The following FER variants were observed in gnomAD, a reference collection of about 807,000 sequenced individuals.
FER encodes the protein tyrosine-protein kinase Fer.
A neutral mutation model predicts 111.0 loss-of-function variants in FER; 63 were observed. That is an observed-to-expected ratio of 0.57 (90% CI 0.46 to 0.70). The LOEUF is 0.70. FER is among the 30% of genes least tolerant of loss of function. FER has a pLI of 0.00. For missense variants in FER, 914 were observed against 954.0 expected (o/e 0.96, Z 0.55); for synonymous variants, 327 against 313.9 (o/e 1.04, Z -0.44).
At chr5:109,154,917 C>T (rs779313319) in intron 17 of FER, among the ~76,000 whole-genome samples, 1 of 151,790 alleles carries the variant, frequency 6.6e-6, no homozygotes, top group Non-Finnish European at 1.5e-5. Context: ...GTATTTCTTG[C>T]TCTTGGAATA....
At chr5:108,905,255 G>A (rs542082176) in intron 10 of FER, among the ~76,000 whole-genome samples, 2 of 152,104 alleles carry the variant, frequency 1.3e-5, no homozygotes, top group South Asian at 4.1e-4. Context: ...ACTGTTATCT[G>A]TGTTCATATT....
chr5:108,922,961 A>C (rs771328446), intron 10 of FER, among the ~76,000 whole-genome samples: 3 of 152,156 alleles, frequency 2.0e-5, no homozygotes, highest in Non-Finnish European at 4.4e-5. Flanking sequence ...TTCTGGATCC[A>C]CAGTCCTTGG....
chr5:108,807,976 A>G (rs1757373550), intron 3 of FER, among the ~76,000 whole-genome samples: 1 of 147,636 alleles, frequency 6.8e-6, no homozygotes, highest in African/African-American at 2.5e-5. Context: ...GTGGCCCAAG[A>G]GTGTTGTTGG....
intron 3 of FER, among the ~76,000 whole-genome samples, chr5:108,827,868 AC>A (rs1368877085): frequency 7.8e-6 from 1 of 127,862 alleles, no homozygotes; most frequent in Non-Finnish European, 1.6e-5. Flanking sequence ...TTGCTCTGTC[AC>A]CCAGGCTGGA....
chr5:108,966,388 C>CTTTTTT (rs34899054), intron 13 of FER, among the ~76,000 whole-genome samples: 1 of 124,978 alleles, frequency 8.0e-6, no homozygotes, highest in Non-Finnish European at 1.7e-5. Flanking sequence ...TTTTTCTTTT[C>CTTTTTT]TTTTTTTTTT....
At chr5:109,160,904 A>G (rs1406718797) in intron 17 of FER, among the ~76,000 whole-genome samples, 1 of 152,198 alleles carries the variant, frequency 6.6e-6, no homozygotes, top group Admixed American at 6.6e-5. Flanking sequence ...TGAAAGACTG[A>G]TGACGGATGC....
At chr5:108,953,912 A>G (rs143675978) in intron 11 of FER, among the ~76,000 whole-genome samples, 24 of 152,236 alleles carry the variant, frequency 1.6e-4, no homozygotes, top group Non-Finnish European at 7.4e-5. Flanking sequence ...AACATCAACA[A>G]GATTCTTACT....
At chr5:108,792,274 C>A (rs1372890150) in intron 2 of FER, among the ~76,000 whole-genome samples, 5 of 152,200 alleles carry the variant, frequency 3.3e-5, no homozygotes, top group Non-Finnish European at 7.3e-5. Flanking sequence ...ATTGGAGAAT[C>A]TTTCTTAACA....
At chr5:109,003,394 C>G (rs6594344) in intron 13 of FER, among the ~76,000 whole-genome samples, 6,537 of 152,182 alleles carry the variant, frequency 0.043, 286 homozygotes, top group African/African-American at 0.11. Context: ...CATGTTCTCA[C>G]TCATAGGTGG....
At chr5:108,791,038 G>A (rs1755307860) in intron 2 of FER, among the ~76,000 whole-genome samples, 1 of 152,096 alleles carries the variant, frequency 6.6e-6, no homozygotes, top group South Asian at 2.1e-4. Flanking sequence ...TTATTTATCT[G>A]TTCACCTGTT....
intron 17 of FER, among the ~76,000 whole-genome samples, chr5:109,176,731 C>A (rs979480073): frequency 1.3e-5 from 2 of 151,986 alleles, no homozygotes; most frequent in Non-Finnish European, 2.9e-5. Flanking sequence ...ATCACTGTCC[C>A]ATAAATATGT....
rs760735476 is a variant in FER at position 108,897,787 on chromosome 5, A to T, written c.1175A>T (p.Asp392Val). 4 of 1,613,704 alleles carry T rather than the reference A, an allele frequency of 2.5e-6. No homozygotes were observed. The Admixed American group carries it at 6.7e-5, about 27-fold the overall frequency. Reference protein sequence around the residue: ...ELLEQKVQENDGKEPPPVVNY... With the variant: ...ELLEQKVQENVGKEPPPVVNY... ...CTAGAGCAAAAAGTGCAAGAAAATG[A>T]TGGGAAAGAGCCACCTCCAGTAGTA... The change falls in exon 10 of 20, where the codon GAT (aspartate) becomes GTT (valine). Residue 392 changes from aspartate (D) to valine (V), a missense_variant. By Grantham distance (152) the Asp-to-Val change is radical. Transcript: ENST00000281092.
intron 19 of FER, among the ~76,000 whole-genome samples, chr5:109,186,807 A>G (rs917558282): frequency 2.4e-4 from 36 of 152,354 alleles, no homozygotes; most frequent in Non-Finnish European, 5.0e-4. Context: ...CTTGTGTAGC[A>G]TACAGTCTCG....
chr5:109,011,551 C>T (rs891355576), intron 13 of FER, among the ~76,000 whole-genome samples: 2 of 152,138 alleles, frequency 1.3e-5, no homozygotes, highest in African/African-American at 4.8e-5. Flanking sequence ...ACTTAATGAG[C>T]TAGCCTCTTT....
chr5:108,848,770 A>C (rs2150180514), intron 5 of FER, among the ~76,000 whole-genome samples: 1 of 151,988 alleles, frequency 6.6e-6, no homozygotes, highest in East Asian at 1.9e-4. Flanking sequence ...AGCATTCTTT[A>C]TTTATTTATC....
intron 2 of FER, among the ~76,000 whole-genome samples, chr5:108,774,002 C>T (rs975461170): frequency 6.6e-6 from 1 of 152,016 alleles, no homozygotes; most frequent in Admixed American, 6.6e-5. Context: ...ATATGTGTGC[C>T]ATGGTGGTTT....
At chr5:108,892,012 T>A (rs1202832031) in intron 9 of FER, among the ~76,000 whole-genome samples, 1 of 152,200 alleles carries the variant, frequency 6.6e-6, no homozygotes, top group Non-Finnish European at 1.5e-5. Flanking sequence ...TTTTTATGGC[T>A]GCATAGTATT....
rs550022324 is a variant in FER at position 109,003,151 on chromosome 5, T to G, written c.1657-34271T>G. Among the ~76,000 whole-genome samples the G allele has an allele frequency of 5.9e-3, 898 of 152,270 alleles. 5 individuals carry two copies. The highest frequency in any genetic ancestry group is 0.021 in the African/African-American group (861 of 41,538). ...CAAAGGACTATAAATCATGCTGCTA[T>G]AAAGACACATGCACACGTATGTTTA... is the stretch of plus-strand genomic sequence containing the variant. On this transcript the variant is annotated intron_variant, in intron 13 of 19. Coordinates refer to ENST00000281092, the MANE Select transcript of FER (RefSeq NM_005246.4).
intron 5 of FER, among the ~76,000 whole-genome samples, chr5:108,853,344 C>T (rs187221933): frequency 5.7e-4 from 87 of 152,282 alleles, no homozygotes; most frequent in African/African-American, 2.0e-3. Context: ...ACAAAAATCC[C>T]AGCCTCCTTG....
Sources: allele counts gnomAD v4.1 joint callset (sites outside exome capture counted in the v4.1 genomes callset), GRCh38; gene constraint gnomAD v4.1.1; transcripts MANE v1.5; gene names NCBI Gene and HGNC (gene_info 2026-07-23, HGNC 2026-07-21).